Variants in STK24 observed in about 807,000 individuals in gnomAD.
STK24 encodes the protein serine/threonine-protein kinase 24.
Under a neutral mutation model 55.6 loss-of-function variants are expected in STK24, and 21 were observed. The observed-to-expected ratio is 0.38, with a 90% confidence interval of 0.27 to 0.54. The LOEUF is 0.54. Ranked by LOEUF, STK24 falls within the 20% of genes least tolerant of loss-of-function variation. The pLI, the probability that STK24 is intolerant of heterozygous loss-of-function variation, is 0.79. For synonymous variants in STK24, 200 were observed against 215.2 expected, an observed-to-expected ratio of 0.93 and a Z score of 0.62; for missense variants, 383 against 538.4, an observed-to-expected ratio of 0.71 and a Z score of 2.86.
Position 98,446,579 on chromosome 13 carries a change from A to C in STK24, c.*6594T>G, listed in dbSNP as rs1892849044. ...CGAGGAGGGAGCTGCCTGGGCTCCCAAGTCCCTGTCTGATGCGGGGCAGCA... is the reference window on the plus strand; with the variant it reads ...CGAGGAGGGAGCTGCCTGGGCTCCCCAGTCCCTGTCTGATGCGGGGCAGCA... On this transcript the variant is annotated 3_prime_UTR_variant, in exon 11 of 11. Transcript: ENST00000539966. 12 of 1,433,070 alleles carry C rather than the reference A, an allele frequency of 8.4e-6. No homozygotes were observed. The South Asian group carries it at 1.4e-4, about 16-fold the overall frequency. 88.8% of individuals were successfully genotyped at this position (1,433,070 alleles called of 1,614,324 possible). A position where few individuals can be genotyped will look rare whatever the true frequency, so the allele number is the denominator to read the frequency against.
chr13:98,505,657 T>C (rs1023668798), intron 2 of STK24, among the ~76,000 whole-genome samples: 4 of 152,256 alleles, frequency 2.6e-5, no homozygotes, highest in Admixed American at 1.3e-4. Flanking sequence ...GCAACAATGA[T>C]TGGTCTCTTA....
chr13:98,565,804 G>A (rs1361694895), intron 1 of STK24, among the ~76,000 whole-genome samples: 2 of 152,134 alleles, frequency 1.3e-5, no homozygotes, highest in East Asian at 1.9e-4. Context: ...AGAGAATGGA[G>A]ATAAAGGAAC....
intron 2 of STK24, among the ~76,000 whole-genome samples, chr13:98,512,987 G>A (rs1895937942): frequency 6.6e-6 from 1 of 152,218 alleles, no homozygotes; most frequent in Non-Finnish European, 1.5e-5. Context: ...CTGCGAACCG[G>A]CTTCTGCAGC....
At chr13:98,468,166 CA>C (rs1333550589) in intron 5 of STK24, among the ~76,000 whole-genome samples, 1 of 152,230 alleles carries the variant, frequency 6.6e-6, no homozygotes, top group Non-Finnish European at 1.5e-5. Context: ...TGGAAGCCCC[CA>C]AGCCCAGCAG....
intron 2 of STK24, among the ~76,000 whole-genome samples, chr13:98,489,945 G>GA (rs749252290): frequency 1.2e-4 from 19 of 152,224 alleles, no homozygotes; most frequent in Non-Finnish European, 4.4e-5. Context: ...AAAGCAATGA[G>GA]AAAATCAAAG....
In STK24 at chr13:98,447,388, T is replaced by G. The variant is rs1892914870; in HGVS notation, c.*5785A>C. The G allele has an allele frequency of 6.6e-6, 1 of 152,644 alleles. No homozygotes were observed. Among genetic ancestry groups the G allele is most frequent in the Non-Finnish European group, 1.5e-5 (1 of 68,372 alleles). The allele number at this position is 152,644 out of a possible 1,614,324, so 9.5% of individuals were successfully genotyped here. ...CCTAGAGGAGAGCCATTCTCAAATC[T>G]GATCCTGGACTGAGCTCGAGAGCTG... On this transcript the variant is annotated 3_prime_UTR_variant, in exon 11 of 11. Coordinates refer to ENST00000539966, the MANE Select transcript of STK24 (RefSeq NM_001032296.4).
intron 7 of STK24, among the ~76,000 whole-genome samples, chr13:98,462,573 A>G (rs1474861317): frequency 6.6e-6 from 1 of 151,758 alleles, no homozygotes; most frequent in Non-Finnish European, 1.5e-5. Flanking sequence ...TCACAGGCGG[A>G]GCCTCACCCT....
At chr13:98,575,060 T>C (rs1897845821) in intron 1 of STK24, among the ~76,000 whole-genome samples, 1 of 152,182 alleles carries the variant, frequency 6.6e-6, no homozygotes, top group African/African-American at 2.4e-5. Flanking sequence ...AAAGGAAATA[T>C]TGATAAAACT....
At chr13:98,529,015 G>A (rs558176053) in intron 1 of STK24, among the ~76,000 whole-genome samples, 2 of 152,224 alleles carry the variant, frequency 1.3e-5, no homozygotes, top group Admixed American at 6.5e-5. Context: ...GCTGAACCGA[G>A]CCTCAGAATC....
rs1053061408 is a variant in STK24, at chr13:98,476,387, C to T, written c.331-1029G>A. Reference sequence around the variant, plus strand: ...TCTAATCGATGCAGGTAGGGTTCCCCCAAATCATGGTCCCCCATTCTTGGT... The same window carrying T: ...TCTAATCGATGCAGGTAGGGTTCCCTCAAATCATGGTCCCCCATTCTTGGT... On this transcript the variant is annotated intron_variant, in intron 3 of 10. Transcript: ENST00000539966. 3.5e-4 allele frequency among the ~76,000 whole-genome samples: 53 copies of T among 152,296 alleles called. 1 individual carries two copies. The highest frequency in any genetic ancestry group is 1.2e-3 in the African/African-American group (49 of 41,530).
At chr13:98,545,403 T>C (rs1220482304) in intron 1 of STK24, among the ~76,000 whole-genome samples, 1 of 152,152 alleles carries the variant, frequency 6.6e-6, no homozygotes, top group Non-Finnish European at 1.5e-5. Context: ...TCCCGGCACT[T>C]TGGGAGGCCG....
At chr13:98,473,632 C>T (rs866750460) in intron 5 of STK24, among the ~76,000 whole-genome samples, 11 of 152,186 alleles carry the variant, frequency 7.2e-5, no homozygotes, top group South Asian at 2.1e-4. Context: ...ACACCCAAGA[C>T]CAGCCAGGTC....
chr13:98,491,156 C>G (rs1555305067), intron 2 of STK24, among the ~76,000 whole-genome samples: 2 of 151,292 alleles, frequency 1.3e-5, no homozygotes, highest in Non-Finnish European at 3.0e-5. Context: ...AGCTAGCCCC[C>G]TTACAGAAGA....
At chr13:98,512,953 C>T (rs142250983) in intron 2 of STK24, among the ~76,000 whole-genome samples, 1 of 152,334 alleles carries the variant, frequency 6.6e-6, no homozygotes, top group East Asian at 1.9e-4. Flanking sequence ...GGGTCACTGC[C>T]AACACTTATG....
intron 1 of STK24, among the ~76,000 whole-genome samples, chr13:98,555,985 G>T (rs1030691357): frequency 3.4e-4 from 51 of 152,218 alleles, no homozygotes; most frequent in African/African-American, 1.2e-3. Context: ...CGGGCTACCA[G>T]CCTCCCTGTC....
chr13:98,454,161 C>A (rs1281799458), intron 10 of STK24: 1 of 152,168 alleles, frequency 6.6e-6, no homozygotes, highest in Non-Finnish European at 1.5e-5. Context: ...TAAGAGAATT[C>A]AGTAAGTTTA....
intron 1 of STK24, among the ~76,000 whole-genome samples, chr13:98,567,861 C>A (rs561639654): frequency 6.7e-6 from 1 of 149,388 alleles, no homozygotes; most frequent in East Asian, 2.0e-4. Flanking sequence ...AATCTAAAAA[C>A]CACCACATAC....
intron 1 of STK24, among the ~76,000 whole-genome samples, chr13:98,525,831 C>T (rs1163587302): frequency 2.6e-5 from 4 of 152,224 alleles, no homozygotes; most frequent in African/African-American, 7.2e-5. Context: ...GGATCCAGCA[C>T]CTGTGGAGGT....
Position 98,446,557 on chromosome 13 carries a change from G to A in STK24, c.*6616C>T. The A allele has an allele frequency of 8.5e-7, 1 of 1,170,628 alleles. No individual in the cohort carries two copies. Among genetic ancestry groups the A allele is most frequent in the African/African-American group, 1.5e-5 (1 of 66,964 alleles). 72.5% of individuals were successfully genotyped at this position (1,170,628 alleles called of 1,614,324 possible). A position where few individuals can be genotyped will look rare whatever the true frequency, so the allele number is the denominator to read the frequency against. ...TGGTCCCTTCCAGGCCCACGCCCGA[G>A]GAGGGAGCTGCCTGGGCTCCCAAGT... On this transcript the variant is annotated 3_prime_UTR_variant, in exon 11 of 11. Coordinates refer to ENST00000539966, the MANE Select transcript of STK24 (RefSeq NM_001032296.4).
Sources: allele counts gnomAD v4.1 joint callset (sites outside exome capture counted in the v4.1 genomes callset), GRCh38; gene constraint gnomAD v4.1.1; transcripts MANE v1.5; gene names NCBI Gene and HGNC (gene_info 2026-07-23, HGNC 2026-07-21).